The following NDUFAF2 variants were observed in gnomAD, a reference collection of about 807,000 sequenced individuals.
NDUFAF2 encodes NADH:ubiquinone oxidoreductase complex assembly factor 2.
In NDUFAF2, 13 loss-of-function variants were observed where a neutral mutation model predicts 22.8. The ratio of observed to expected loss-of-function variants is 0.57; its 90% CI spans 0.37 to 0.91. NDUFAF2 has a LOEUF of 0.91. NDUFAF2 is among the 40% of genes least tolerant of loss of function. The pLI is 0.01. For synonymous variants in NDUFAF2, 53 were observed against 64.2 expected (o/e 0.83, Z 0.84); for missense variants, 162 against 195.2 (o/e 0.83, Z 1.01).
At chr5:60,980,608 C>T (rs1750964045) in intron 1 of NDUFAF2, among the ~76,000 whole-genome samples, 1 of 152,042 alleles carries the variant, frequency 6.6e-6, no homozygotes. Flanking sequence ...CCTGTCTCTA[C>T]TAAAAATACA....
intron 1 of NDUFAF2, among the ~76,000 whole-genome samples, chr5:60,993,829 T>C (rs906410225): frequency 5.3e-5 from 8 of 152,182 alleles, no homozygotes; most frequent in African/African-American, 1.9e-4. Flanking sequence ...AGGGCTTTTA[T>C]GGGCCTCAGA....
chr5:61,024,312 G>A (rs1751623944), intron 1 of NDUFAF2, among the ~76,000 whole-genome samples: 3 of 151,856 alleles, frequency 2.0e-5, no homozygotes, highest in Admixed American at 2.0e-4. Context: ...TGTTTTGTGT[G>A]TATCTGGTAC....
At chr5:60,997,728 T>C (rs1332703291) in intron 1 of NDUFAF2, among the ~76,000 whole-genome samples, 1 of 152,240 alleles carries the variant, frequency 6.6e-6, no homozygotes, top group African/African-American at 2.4e-5. Flanking sequence ...TTTCAGGATC[T>C]GCTTTTCCGT....
intron 1 of NDUFAF2, among the ~76,000 whole-genome samples, chr5:60,971,380 G>A (rs983333124): frequency 2.4e-4 from 37 of 151,138 alleles, no homozygotes; most frequent in Non-Finnish European, 3.8e-4. Flanking sequence ...TCCGCCTCCC[G>A]GGTTCACGCC....
At chr5:61,024,683 A>T (rs1467321869) in intron 1 of NDUFAF2, among the ~76,000 whole-genome samples, 1 of 152,086 alleles carries the variant, frequency 6.6e-6, no homozygotes, top group African/African-American at 2.4e-5. Flanking sequence ...ATTCTTAATC[A>T]TTATACTGTA....
At chr5:61,006,002 A>G (rs1382464850) in intron 1 of NDUFAF2, among the ~76,000 whole-genome samples, 1 of 152,200 alleles carries the variant, frequency 6.6e-6, no homozygotes, top group Admixed American at 6.5e-5. Context: ...TGTTTCAGAC[A>G]TGAAGTCCTT....
chr5:61,142,851 A>G (rs1169477074), intron 3 of NDUFAF2, among the ~76,000 whole-genome samples: 2 of 152,206 alleles, frequency 1.3e-5, no homozygotes. Context: ...GCCTAAATAC[A>G]GAATACCTTT....
chr5:61,081,322 T>C (rs891432453), intron 2 of NDUFAF2, among the ~76,000 whole-genome samples: 1 of 152,182 alleles, frequency 6.6e-6, no homozygotes, highest in Non-Finnish European at 1.5e-5. Context: ...TTTTACACTT[T>C]AAATATGTGC....
chr5:61,108,197 G>C (rs1222246238), intron 3 of NDUFAF2, among the ~76,000 whole-genome samples: 1 of 140,344 alleles, frequency 7.1e-6, no homozygotes, highest in African/African-American at 2.8e-5. Context: ...ATGATTTATA[G>C]TCCTTTGGGT....
intron 3 of NDUFAF2, among the ~76,000 whole-genome samples, chr5:61,134,414 G>A (rs527631729): frequency 1.4e-4 from 21 of 152,252 alleles, no homozygotes; most frequent in African/African-American, 3.6e-4. Context: ...CGCCAGGCGC[G>A]GTGGCTCACG....
In NDUFAF2 at chr5:61,092,650, G is replaced by T. The variant is rs543101175; in HGVS notation, c.218-6342G>T. On this transcript the variant is annotated intron_variant, in intron 2 of 3. Transcript: ENST00000296597. ...TTCTAGATACAGGATCATGTCATCT[G>T]CAAACAGGGATAATTTGACTTCCTC... Among the ~76,000 whole-genome samples the T allele has an allele frequency of 1.0e-3, 157 of 152,224 alleles. 2 individuals are homozygous for T. Among genetic ancestry groups the T allele is most frequent in the African/African-American group, 3.7e-3 (153 of 41,548 alleles).
intron 2 of NDUFAF2, chr5:61,083,395 G>C (rs1752467899): frequency 6.6e-6 from 1 of 152,028 alleles, no homozygotes; most frequent in Non-Finnish European, 1.5e-5. Flanking sequence ...TTATTGAATA[G>C]AGTTTTCATT....
chr5:61,135,721 A>G (rs1439916774), intron 3 of NDUFAF2, among the ~76,000 whole-genome samples: 10 of 152,012 alleles, frequency 6.6e-5, no homozygotes, highest in Non-Finnish European at 1.5e-5. Flanking sequence ...GTTTACATGA[A>G]ATACAAGGGT....
chr5:61,023,310 T>G (rs902423230), intron 1 of NDUFAF2, among the ~76,000 whole-genome samples: 5 of 152,172 alleles, frequency 3.3e-5, no homozygotes, highest in Non-Finnish European at 7.3e-5. Context: ...GTGGCTTTTC[T>G]GTCTTTGAAA....
At chr5:61,026,717 A>G (rs965965941) in intron 1 of NDUFAF2, among the ~76,000 whole-genome samples, 5 of 152,080 alleles carry the variant, frequency 3.3e-5, no homozygotes, top group Admixed American at 6.6e-5. Flanking sequence ...TTTTGAATGG[A>G]TATCCAAATA....
At chr5:61,015,221 T>C (rs965268632) in intron 1 of NDUFAF2, among the ~76,000 whole-genome samples, 5 of 152,206 alleles carry the variant, frequency 3.3e-5, no homozygotes, top group African/African-American at 1.2e-4. Flanking sequence ...TATATACTTA[T>C]CTGACACACT....
chr5:61,113,705 T>G (rs1752873926), intron 3 of NDUFAF2, among the ~76,000 whole-genome samples: 1 of 152,180 alleles, frequency 6.6e-6, no homozygotes, highest in African/African-American at 2.4e-5. Context: ...TTCTGAGGCC[T>G]CCCCAGCCAT....
chr5:60,995,734 G>T (rs969417340), intron 1 of NDUFAF2, among the ~76,000 whole-genome samples: 2 of 152,210 alleles, frequency 1.3e-5, no homozygotes, highest in Non-Finnish European at 2.9e-5. Flanking sequence ...CAATCAGCAG[G>T]TGAAAGCCAG....
At chr5:61,091,487 A>G (rs1032717336) in intron 2 of NDUFAF2, among the ~76,000 whole-genome samples, 2 of 152,122 alleles carry the variant, frequency 1.3e-5, no homozygotes, top group Non-Finnish European at 2.9e-5. Flanking sequence ...GCGTCTGTTC[A>G]TGTCTTTGGC....
Sources: gnomAD v4.1 joint callset for allele counts (sites outside exome capture counted in the v4.1 genomes callset) on GRCh38, gnomAD v4.1.1 for gene constraint, MANE v1.5 for transcripts, NCBI Gene and HGNC (gene_info 2026-07-23, HGNC 2026-07-21) for gene names.